LHX6: variants seen among roughly 807,000 people sequenced by gnomAD.
LHX6 encodes the protein LIM homeobox 6, also known as LIM/homeobox protein Lhx6.
Under a neutral mutation model 47.1 loss-of-function variants are expected in LHX6, and 15 were observed. That is an observed-to-expected ratio of 0.32 (90% CI 0.21 to 0.49). The LOEUF is 0.49. Ranked by LOEUF, LHX6 falls within the 20% of genes least tolerant of loss-of-function variation. LHX6 has a pLI of 0.99. For missense variants in LHX6, 404 were observed against 539.6 expected, an observed-to-expected ratio of 0.75 and a Z score of 2.49; for synonymous variants, 242 against 233.5, an observed-to-expected ratio of 1.04 and a Z score of -0.33.
At chr9:122,205,888 G>A in intron 9 of LHX6, among the ~76,000 whole-genome samples, 1 of 152,072 alleles carries the variant, frequency 6.6e-6, no homozygotes. Context: ...AGGGGAGGTG[G>A]CAGAGCTGGG....
chr9:122,214,460 A>C lies in LHX6; in HGVS notation c.683-77T>G. ...GCCTGGAAAGGACGGGGGTGGGGGG[A>C]GCTTGTCCCTGGAAGGGTCAGGAGC... On this transcript the variant is annotated intron_variant, in intron 5 of 9. Coordinates refer to ENST00000394319, the MANE Select transcript of LHX6 (RefSeq NM_014368.5). The surrounding 1 kb of genome is among the most constrained non-coding windows in gnomAD (Gnocchi z 4.6). 1 of 1,428,044 alleles carries C rather than the reference A, an allele frequency of 7.0e-7. No individual in the cohort carries two copies. The allele number at this position is 1,428,044 out of a possible 1,614,324, so 88.5% of individuals were successfully genotyped here.
chr9:122,220,137 C>T (rs990702404), intron 4 of LHX6, among the ~76,000 whole-genome samples: 2 of 152,356 alleles, frequency 1.3e-5, no homozygotes, highest in South Asian at 4.1e-4. Context: ...GAGTCCCCGA[C>T]GCCCGAGTCC....
In LHX6 at chr9:122,220,733, C is replaced by T. The variant is rs965063406; in HGVS notation, c.462-3445G>A. On this transcript the variant is annotated intron_variant, in intron 4 of 9. Transcript: ENST00000394319. Reference sequence around the variant, plus strand: ...CGCTTTGGGGAGAGGTGTTACTGCTCATCCTGGCAACTGCTAAAAAGAGTA... The same window carrying T: ...CGCTTTGGGGAGAGGTGTTACTGCTTATCCTGGCAACTGCTAAAAAGAGTA... Among the ~76,000 whole-genome samples the T allele has an allele frequency of 2.0e-5, 3 of 152,196 alleles. No individual in the cohort carries two copies. The East Asian group carries it at 5.8e-4, about 29-fold the overall frequency.
At position 122,226,567 on chromosome 9, in the gene LHX6, G is replaced by T. The variant is rs372864705; in HGVS notation, c.340-70C>A. 2.5e-6 allele frequency: 4 copies of T among 1,569,478 alleles called. No homozygotes were observed. The highest frequency in any genetic ancestry group is 3.4e-6 in the Non-Finnish European group (4 of 1,164,808). On this transcript the variant is annotated intron_variant, in intron 3 of 9. Transcript: ENST00000394319. The surrounding 1 kb of genome is among the most constrained non-coding windows in gnomAD (Gnocchi z 6.5). The stretch of plus-strand genomic sequence containing the variant: ...TTCACTCCGGGCCCCAGCCTTCCCG[G>T]TCTCATTTACAGTCAGAGGCGCTGA...
intron 5 of LHX6, among the ~76,000 whole-genome samples, chr9:122,216,055 T>C (rs565365487): frequency 6.6e-6 from 1 of 152,144 alleles, no homozygotes; most frequent in East Asian, 1.9e-4. Context: ...GGTGGTGTGG[T>C]ATGGTATGAT....
In LHX6 at chr9:122,217,421, T is replaced by G. The variant is rs527268683; in HGVS notation, c.462-133A>C. 2.3e-3 allele frequency: 1,524 copies of G among 661,666 alleles called. 37 individuals carry two copies. The South Asian group carries it at 0.027, about 12-fold the overall frequency. 41.0% of individuals were successfully genotyped at this position (661,666 alleles called of 1,614,324 possible). ...TTCAACTCAGGCATTAGCCTTAGCT[T>G]GGACGCAACAACACTCTACACCTAG... is the stretch of plus-strand genomic sequence containing the variant. On this transcript the variant is annotated intron_variant, in intron 4 of 9. Coordinates refer to ENST00000394319, the MANE Select transcript of LHX6 (RefSeq NM_014368.5). This position sits in a 1 kb window ranked among gnomAD's most constrained non-coding sequence, Gnocchi z 4.9.
At chr9:122,221,820 G>A (rs1460614705) in intron 4 of LHX6, 10 of 611,154 alleles carry the variant, frequency 1.6e-5, no homozygotes, top group Non-Finnish European at 1.8e-5. Context: ...ATGCACAGAC[G>A]GGTGGCTGAT....
At position 122,216,646 on chromosome 9, in the gene LHX6, C is replaced by T. The variant is rs75544841; in HGVS notation, c.682+422G>A. Among the ~76,000 whole-genome samples the T allele has an allele frequency of 2.1e-3, 326 of 152,280 alleles. 2 individuals carry two copies. The highest frequency in any genetic ancestry group is 7.5e-3 in the African/African-American group (310 of 41,562). On this transcript the variant is annotated intron_variant, in intron 5 of 9. Transcript: ENST00000394319. ...GGAGAATGGGAGCCAAGTCATCTCT[C>T]CAGGACTGGCCCAAGCCTGGTCCCA...
chr9:122,217,107 C>T lies in LHX6; in HGVS notation c.643G>A (p.Asp215Asn), dbSNP rs1830623658. Residue 215 changes from aspartate (D) to asparagine (N), a missense_variant, in exon 5 of 10, where the codon GAC (aspartate) becomes AAC (asparagine). By Grantham distance (23) the Asp-to-Asn change is conservative. This residue lies in a region of LHX6 where 43 missense variants were observed against 84.7 expected (regional missense o/e 0.51). Transcript: ENST00000394319. This position sits in a 1 kb window ranked among gnomAD's most constrained non-coding sequence, Gnocchi z 4.9. ...CTCTTGAGGTTCTCAATCATGGTGT[C>T]GTAGTGGATGCGGCAGAGCACCTTC... ...EEKVLCRIHY[D>N]TMIENLKRAA... is the part of the protein sequence containing the mutation. 4.3e-6 allele frequency: 7 copies of T among 1,614,144 alleles called. No homozygotes were observed. The highest frequency in any genetic ancestry group is 4.5e-5 in the East Asian group (2 of 44,880).
chr9:122,227,107 G>GC, intron 2 of LHX6, 77 bp from the exon 3 acceptor site: 7 of 1,351,942 alleles, frequency 5.2e-6, no homozygotes, highest in Non-Finnish European at 6.8e-6. Context: ...CAAATCTGGG[G>GC]CCCCCGAGCA....
chr9:122,223,386 A>G (rs1473119887), intron 4 of LHX6, among the ~76,000 whole-genome samples: 1 of 152,200 alleles, frequency 6.6e-6, no homozygotes. Flanking sequence ...CCATCCCTCC[A>G]GGCAGGCTCT....
At chr9:122,221,509 A>G in intron 4 of LHX6, 2 of 985,604 alleles carry the variant, frequency 2.0e-6, no homozygotes, top group Non-Finnish European at 2.4e-6. Flanking sequence ...GCTTGCATGA[A>G]GTCGTTTGGG....
At position 122,217,016 on chromosome 9, in the gene LHX6, T is replaced by TG; in HGVS notation, c.682+51dup. 1 of 1,417,672 alleles carries TG rather than the reference T, an allele frequency of 7.1e-7. No homozygotes were observed. The highest frequency in any genetic ancestry group is 9.7e-7 in the Non-Finnish European group (1 of 1,031,392). The allele number at this position is 1,417,672 out of a possible 1,614,324, so 87.8% of individuals were successfully genotyped here. ...TGGTTCCTGGGGTGCTGGGGTGGGG[T>TG]GGGGTGGGAAAGGGCTGGGGGCAGA... On this transcript the variant is annotated intron_variant, in intron 5 of 9. Coordinates refer to ENST00000394319, the MANE Select transcript of LHX6 (RefSeq NM_014368.5). The surrounding 1 kb of genome is among the most constrained non-coding windows in gnomAD (Gnocchi z 4.9).
At chr9:122,205,873 C>A (rs1307304574) in intron 9 of LHX6, among the ~76,000 whole-genome samples, 1 of 152,090 alleles carries the variant, frequency 6.6e-6, no homozygotes, top group Non-Finnish European at 1.5e-5. Flanking sequence ...ATTCCCAGAT[C>A]TCACAGGGGA....
intron 5 of LHX6, 84 bp downstream of exon 5, chr9:122,216,984 G>T: frequency 8.6e-7 from 1 of 1,162,074 alleles, no homozygotes; most frequent in Non-Finnish European, 1.3e-6. Flanking sequence ...CGGTAGAGGA[G>T]TGTGGGTGGT....
intron 8 of LHX6, among the ~76,000 whole-genome samples, chr9:122,212,140 G>A (rs10818651): frequency 0.26 from 39,767 of 152,030 alleles, 6,488 homozygotes; most frequent in Middle Eastern, 0.38. Flanking sequence ...CAGTTACCTC[G>A]TTTGATGCTC....
intron 4 of LHX6, among the ~76,000 whole-genome samples, chr9:122,218,418 T>C (rs1293858517): frequency 6.6e-6 from 1 of 152,050 alleles, no homozygotes; most frequent in Non-Finnish European, 1.5e-5. Flanking sequence ...ATCCAGCCAA[T>C]CATCGATGCT....
Position 122,214,725 on chromosome 9 carries a change from T to A in LHX6, c.683-342A>T, listed in dbSNP as rs1353742243. ...ATCCGAAAGCTAGCTGACCCTAATG[T>A]CCCAAACTGGGCTCCCTGCTGGCGA... On this transcript the variant is annotated intron_variant, in intron 5 of 9. Coordinates refer to ENST00000394319, the MANE Select transcript of LHX6 (RefSeq NM_014368.5). The surrounding 1 kb of genome is among the most constrained non-coding windows in gnomAD (Gnocchi z 4.6). Among the ~76,000 whole-genome samples the A allele has an allele frequency of 1.3e-5, 2 of 152,016 alleles. No homozygotes were observed. Among genetic ancestry groups the A allele is most frequent in the African/African-American group, 4.8e-5 (2 of 41,366 alleles).
chr9:122,226,735 G>C lies in LHX6; in HGVS notation c.339+113C>G, dbSNP rs1831118609. ...GTCTTGCCCAAAGCTTCGCAGTCGG[G>C]CAGCAGTGGAGCCAGGATTTGGAAG... On this transcript the variant is annotated intron_variant, in intron 3 of 9. Transcript: ENST00000394319. The surrounding 1 kb of genome is among the most constrained non-coding windows in gnomAD (Gnocchi z 6.5). 1 of 1,317,322 alleles carries C rather than the reference G, an allele frequency of 7.6e-7. No homozygotes were observed. Among genetic ancestry groups the C allele is most frequent in the African/African-American group, 1.5e-5 (1 of 67,708 alleles). 81.6% of individuals were successfully genotyped at this position (1,317,322 alleles called of 1,614,324 possible). A position where few individuals can be genotyped will look rare whatever the true frequency, so the allele number is the denominator to read the frequency against.
Sources: gnomAD v4.1 joint callset for allele counts (sites outside exome capture counted in the v4.1 genomes callset) on GRCh38, gnomAD v4.1.1 for gene constraint, gnomAD v4.1.1 regional missense constraint, Gnocchi (gnomAD v3.1) non-coding constraint, MANE v1.5 for transcripts, NCBI Gene and HGNC (gene_info 2026-07-23, HGNC 2026-07-21) for gene names.